The following MAN1C1 variants were observed in gnomAD, a reference collection of about 807,000 sequenced individuals.
The protein encoded by MAN1C1 is mannosidase alpha class 1C member 1, also known as mannosyl-oligosaccharide 1,2-alpha-mannosidase IC.
MAN1C1 carries 49 observed loss-of-function variants against 71.5 expected under a neutral mutation model. That is an observed-to-expected ratio of 0.69 (90% CI 0.54 to 0.87). The LOEUF is 0.87. Among genes scored for constraint, MAN1C1 ranks in the 40% least tolerant of loss-of-function variants. MAN1C1 has a pLI of 0.00. For missense variants in MAN1C1, 743 were observed against 835.0 expected (o/e 0.89, Z 1.36); for synonymous variants, 352 against 343.7 (o/e 1.02, Z -0.27).
At chr1:25,740,115 C>G (rs2047040182) in intron 2 of MAN1C1, among the ~76,000 whole-genome samples, 2 of 152,118 alleles carry the variant, frequency 1.3e-5, no homozygotes, top group Non-Finnish European at 2.9e-5. Flanking sequence ...AAAGCAGATC[C>G]GTGCGTGATG....
At chr1:25,726,729 C>T (rs1454788998) in intron 2 of MAN1C1, among the ~76,000 whole-genome samples, 22 of 152,050 alleles carry the variant, frequency 1.4e-4, no homozygotes, top group Admixed American at 1.4e-3. Context: ...AATATAACCA[C>T]CTACACTGCA....
At chr1:25,768,892 CATATT>C (rs2047502987) in intron 7 of MAN1C1, among the ~76,000 whole-genome samples, 1 of 90,306 alleles carries the variant, frequency 1.1e-5, no homozygotes. Context: ...ACACCACACA[CATATT>C]ACACACACTT....
chr1:25,653,070 T>TTTTTG (rs1299814027), intron 1 of MAN1C1, among the ~76,000 whole-genome samples: 1 of 151,934 alleles, frequency 6.6e-6, no homozygotes, highest in African/African-American at 2.4e-5. Context: ...CCAGCCTGTT[T>TTTTTG]TTTTGTTTTG....
chr1:25,758,346 G>T (rs2047316589), intron 5 of MAN1C1, among the ~76,000 whole-genome samples: 1 of 152,206 alleles, frequency 6.6e-6, no homozygotes, highest in African/African-American at 2.4e-5. Context: ...GTTGCTTGAT[G>T]ATGGAGACAA....
intron 1 of MAN1C1, among the ~76,000 whole-genome samples, chr1:25,673,625 A>T (rs544624345): frequency 6.6e-6 from 1 of 152,220 alleles, no homozygotes; most frequent in Admixed American, 6.5e-5. Flanking sequence ...TTGTCCAAAG[A>T]CACACAGCTG....
chr1:25,719,051 C>CTTA (rs34993782), intron 2 of MAN1C1, among the ~76,000 whole-genome samples: 32,818 of 143,792 alleles, frequency 0.23, 4,408 homozygotes, highest in African/African-American at 0.36. Flanking sequence ...CTTTCCAATG[C>CTTA]TTATTATTAT....
intron 2 of MAN1C1, among the ~76,000 whole-genome samples, chr1:25,693,409 C>T (rs1345919213): frequency 2.6e-5 from 4 of 152,090 alleles, no homozygotes; most frequent in Admixed American, 2.6e-4. Context: ...GTGGGCAGAG[C>T]CCCTGAGGTC....
At chr1:25,781,383 T>TAG (rs2047692200) in intron 10 of MAN1C1, 1 of 360,174 alleles carries the variant, frequency 2.8e-6, no homozygotes, top group Admixed American at 4.3e-5. Flanking sequence ...TCAGCAAACT[T>TAG]AGAGGGTCAG....
chr1:25,766,995 C>CACCA (rs1243790149), intron 7 of MAN1C1, among the ~76,000 whole-genome samples: 2 of 151,994 alleles, frequency 1.3e-5, no homozygotes, highest in Non-Finnish European at 2.9e-5. Flanking sequence ...GGCTCACGGA[C>CACCA]ACCAGCTCGT....
chr1:25,764,011 C>A lies in MAN1C1; in HGVS notation c.1141+44C>A. The A allele has an allele frequency of 6.6e-7, 1 of 1,519,192 alleles. No homozygotes were observed. Among genetic ancestry groups the A allele is most frequent in the African/African-American group, 1.4e-5 (1 of 73,116 alleles). 94.1% of individuals were successfully genotyped at this position (1,519,192 alleles called of 1,614,324 possible). A position where few individuals can be genotyped will look rare whatever the true frequency, so the allele number is the denominator to read the frequency against. On this transcript the variant is annotated intron_variant, in intron 7 of 11. Coordinates refer to ENST00000374332, the MANE Select transcript of MAN1C1 (RefSeq NM_020379.4). The surrounding 1 kb of genome is among the most constrained non-coding windows in gnomAD (Gnocchi z 4.4). The stretch of plus-strand genomic sequence containing the variant: ...CTGCCCCTTATTCAGCGGGTTCCTG[C>A]CCAGGCTTCCTAGGAAGACCCTGCC...
chr1:25,711,050 T>G lies in MAN1C1; in HGVS notation c.637+24514T>G, dbSNP rs2046607004. Among the ~76,000 whole-genome samples the G allele has an allele frequency of 6.6e-6, 1 of 152,182 alleles. No homozygotes were observed. On this transcript the variant is annotated intron_variant, in intron 2 of 11. Coordinates refer to ENST00000374332, the MANE Select transcript of MAN1C1 (RefSeq NM_020379.4). The surrounding 1 kb of genome is among the most constrained non-coding windows in gnomAD (Gnocchi z 4.3). ...ATTTATTATTTCTTGAGTCTGTGGG[T>G]CTTAGCTAGGCCAGGATTGGTCTAG...
rs1394202805 is a variant in MAN1C1 at position 25,617,233 on chromosome 1, CTGTCGCGACCGGGCCGGGTGT to C, written c.-564_-544del. ...GTGTCCCGATAGTCGAGCCCGGGCG[CTGTCGCGACCGGGCCGGGTGT>C]GCGCGCGCTCGGGGCGGCGCTGACA... On this transcript the variant is annotated 5_prime_UTR_variant, in exon 1 of 12. Coordinates refer to ENST00000374332, the MANE Select transcript of MAN1C1 (RefSeq NM_020379.4). The surrounding 1 kb of genome is among the most constrained non-coding windows in gnomAD (Gnocchi z 5.1). Among the ~76,000 whole-genome samples the C allele has an allele frequency of 3.3e-5, 5 of 151,294 alleles. No individual in the cohort carries two copies. The highest frequency in any genetic ancestry group is 7.4e-5 in the Non-Finnish European group (5 of 67,762).
chr1:25,620,448 G>T (rs1211449069), intron 1 of MAN1C1, among the ~76,000 whole-genome samples: 1 of 152,178 alleles, frequency 6.6e-6, no homozygotes, highest in East Asian at 1.9e-4. Context: ...GAAAGATGTA[G>T]AGTGGGTTTT....
intron 6 of MAN1C1, among the ~76,000 whole-genome samples, chr1:25,762,425 T>C (rs573668042): frequency 2.8e-4 from 40 of 143,130 alleles, no homozygotes; most frequent in African/African-American, 1.0e-3. Context: ...CCCTAACCTA[T>C]ACTATACCAC....
intron 6 of MAN1C1, chr1:25,761,139 G>C (rs1448691855): frequency 6.6e-6 from 1 of 152,176 alleles, no homozygotes; most frequent in Non-Finnish European, 1.5e-5. Context: ...TCCCTTGTCG[G>C]TTATGAGGGT....
chr1:25,723,242 C>T (rs58746539), intron 2 of MAN1C1, among the ~76,000 whole-genome samples: 1 of 152,212 alleles, frequency 6.6e-6, no homozygotes, highest in African/African-American at 2.4e-5. Context: ...GTACTCCTTT[C>T]TGAGACTCTG....
intron 1 of MAN1C1, among the ~76,000 whole-genome samples, chr1:25,671,268 C>T (rs1360276245): frequency 1.3e-5 from 2 of 152,164 alleles, no homozygotes; most frequent in Admixed American, 1.3e-4. Context: ...TACGGGCTGG[C>T]ATAGGATTAA....
At chr1:25,666,234 C>T (rs768979585) in intron 1 of MAN1C1, among the ~76,000 whole-genome samples, 156 of 152,326 alleles carry the variant, frequency 1.0e-3, no homozygotes, top group Middle Eastern at 3.4e-3. Context: ...TTTAAATAGC[C>T]ATAGCTATCC....
At chr1:25,637,711 C>T (rs746551464) in intron 1 of MAN1C1, among the ~76,000 whole-genome samples, 10 of 151,498 alleles carry the variant, frequency 6.6e-5, no homozygotes, top group African/African-American at 9.7e-5. Context: ...GGTTTTGCTT[C>T]GTATTTTTTA....
Sources: gnomAD v4.1 joint callset for allele counts (sites outside exome capture counted in the v4.1 genomes callset) on GRCh38, gnomAD v4.1.1 for gene constraint, Gnocchi (gnomAD v3.1) non-coding constraint, MANE v1.5 for transcripts, NCBI Gene and HGNC (gene_info 2026-07-23, HGNC 2026-07-21) for gene names.